Variants in RTN4RL1 observed in about 807,000 individuals in gnomAD.
RTN4RL1 encodes the protein reticulon-4 receptor-like 1.
A neutral mutation model predicts 25.6 loss-of-function variants in RTN4RL1; 7 were observed. The observed-to-expected ratio is 0.27, with a 90% CI of 0.16 to 0.51. RTN4RL1 has a LOEUF of 0.51. Among genes scored for constraint, RTN4RL1 ranks in the 20% least tolerant of loss-of-function variants. The pLI, the probability that RTN4RL1 is intolerant of heterozygous loss-of-function variation, is 0.97. For synonymous variants in RTN4RL1, 297 were observed against 288.2 expected (o/e 1.03, Z -0.31); for missense variants, 500 against 615.6 (o/e 0.81, Z 1.99).
At chr17:2,017,106 T>C (rs1295380508) in intron 1 of RTN4RL1, among the ~76,000 whole-genome samples, 1 of 152,164 alleles carries the variant, frequency 6.6e-6, no homozygotes, top group East Asian at 1.9e-4. Context: ...CCCCAGGGCC[T>C]CATGAATCTC....
chr17:1,982,613 C>CAAAAGAAAAGAAAAG (rs71150842), intron 1 of RTN4RL1, among the ~76,000 whole-genome samples: 2,180 of 149,082 alleles, frequency 0.015, 32 homozygotes, highest in Non-Finnish European at 0.022. Context: ...GACTCCGTCT[C>CAAAAGAAAAGAAAAG]AAAAGAAAAG....
intron 1 of RTN4RL1, among the ~76,000 whole-genome samples, chr17:2,009,277 A>T (rs1407552609): frequency 6.6e-6 from 1 of 152,014 alleles, no homozygotes; most frequent in East Asian, 1.9e-4. Flanking sequence ...CTGGTCAACA[A>T]GGGGAAACCC....
At chr17:1,949,707 C>T (rs957188047) in intron 1 of RTN4RL1, among the ~76,000 whole-genome samples, 2 of 152,198 alleles carry the variant, frequency 1.3e-5, no homozygotes, top group Non-Finnish European at 2.9e-5. Context: ...GGCTCCTTCC[C>T]TCCTGGGGCC....
intron 1 of RTN4RL1, among the ~76,000 whole-genome samples, chr17:1,958,674 C>T (rs1017075034): frequency 5.3e-5 from 8 of 152,206 alleles, no homozygotes; most frequent in Non-Finnish European, 1.0e-4. Context: ...GAAACAGTTC[C>T]GGCAGGATCG....
chr17:1,965,751 C>G (rs1224068918), intron 1 of RTN4RL1, among the ~76,000 whole-genome samples: 1 of 152,202 alleles, frequency 6.6e-6, no homozygotes, highest in Admixed American at 6.5e-5. Context: ...CCCCACTGCC[C>G]TCAGCGCTGA....
intron 1 of RTN4RL1, among the ~76,000 whole-genome samples, chr17:1,950,480 C>G (rs1414138945): frequency 6.6e-6 from 1 of 152,042 alleles, no homozygotes. Context: ...TTGGCTGCAG[C>G]TGGAAGTACA....
Position 1,936,711 on chromosome 17 carries a change from C to G in RTN4RL1, c.1111G>C (p.Gly371Arg). The change falls in exon 2 of 2, where the codon GGG becomes CGG. Residue 371 changes from glycine to arginine, a missense_variant. Transcript: ENST00000331238. ...TCTGGCAGCTCGGGGGCCTGTTTCC[C>G]GGCGCCCGCCTTAGAGATCTGATTG... ...NRNQISKAGA[G>R]KQAPELPDYA... The G allele has an allele frequency of 1.3e-6, 2 of 1,582,662 alleles. No individual in the cohort carries two copies. The highest frequency in any genetic ancestry group is 1.7e-6 in the Non-Finnish European group (2 of 1,167,184).
intron 1 of RTN4RL1, among the ~76,000 whole-genome samples, chr17:2,017,543 C>T (rs8078968): frequency 0.02 from 2,979 of 152,348 alleles, 90 homozygotes; most frequent in African/African-American, 0.069. Context: ...GCCACGGCAC[C>T]GAGCCCTGCC....
chr17:1,955,352 T>A (rs570814719), intron 1 of RTN4RL1, among the ~76,000 whole-genome samples: 93 of 152,076 alleles, frequency 6.1e-4, no homozygotes, highest in African/African-American at 2.1e-3. Flanking sequence ...GTCCAGGGGT[T>A]TGAGATAGCC....
chr17:1,964,771 T>C (rs532397967), intron 1 of RTN4RL1, among the ~76,000 whole-genome samples: 184 of 149,326 alleles, frequency 1.2e-3, no homozygotes, highest in African/African-American at 4.4e-3. Context: ...CGTTACAGTT[T>C]GCATTTCTTT....
chr17:1,949,726 C>T (rs989965145), intron 1 of RTN4RL1, among the ~76,000 whole-genome samples: 1 of 152,190 alleles, frequency 6.6e-6, no homozygotes, highest in Non-Finnish European at 1.5e-5. Context: ...CCTACATTCT[C>T]CTGGGGGTGC....
At chr17:1,951,918 A>G (rs1194054173) in intron 1 of RTN4RL1, among the ~76,000 whole-genome samples, 1 of 152,182 alleles carries the variant, frequency 6.6e-6, no homozygotes, top group East Asian at 1.9e-4. Context: ...GAGTGGGATG[A>G]AGATCGAATG....
chr17:1,983,634 C>G (rs1037882069), intron 1 of RTN4RL1, among the ~76,000 whole-genome samples: 1 of 152,106 alleles, frequency 6.6e-6, no homozygotes, highest in Non-Finnish European at 1.5e-5. Flanking sequence ...AACTCCTGAG[C>G]TCAAGCGATC....
intron 1 of RTN4RL1, among the ~76,000 whole-genome samples, chr17:1,946,413 G>A (rs1470817692): frequency 6.6e-6 from 1 of 152,270 alleles, no homozygotes; most frequent in African/African-American, 2.4e-5. Context: ...TGTGCGTGGT[G>A]TGTGTACCTG....
chr17:2,004,354 C>T lies in RTN4RL1; in HGVS notation c.13+20499G>A, dbSNP rs1445172686. Among the ~76,000 whole-genome samples the T allele has an allele frequency of 3.2e-4, 38 of 117,164 alleles. 1 individual carries two copies. The South Asian group carries it at 0.01, about 32-fold the overall frequency. The allele number at this position is 117,164 out of a possible 152,430, so 76.9% of individuals were successfully genotyped here. A position where few individuals can be genotyped will look rare whatever the true frequency, so the allele number is the denominator to read the frequency against. Reference sequence around the variant, plus strand: ...CTGCACTCCAGCCTGGGCAACAGAGCGAGACTCTGTCTCAAAAAAAAAAAA... The same window carrying T: ...CTGCACTCCAGCCTGGGCAACAGAGTGAGACTCTGTCTCAAAAAAAAAAAA... On this transcript the variant is annotated intron_variant, in intron 1 of 1. Transcript: ENST00000331238.
At chr17:1,984,607 G>A (rs977984159) in intron 1 of RTN4RL1, among the ~76,000 whole-genome samples, 1 of 152,188 alleles carries the variant, frequency 6.6e-6, no homozygotes, top group Non-Finnish European at 1.5e-5. Flanking sequence ...CTCCCAACTT[G>A]AGAATTCTGA....
intron 1 of RTN4RL1, among the ~76,000 whole-genome samples, chr17:1,968,381 C>T (rs932499307): frequency 2.0e-5 from 3 of 152,150 alleles, no homozygotes; most frequent in Non-Finnish European, 4.4e-5. Context: ...TCCCATAGCT[C>T]GGGCCGGCCG....
At chr17:1,983,696 C>G (rs1186847922) in intron 1 of RTN4RL1, among the ~76,000 whole-genome samples, 1 of 152,150 alleles carries the variant, frequency 6.6e-6, no homozygotes, top group Non-Finnish European at 1.5e-5. Flanking sequence ...CACCACCATG[C>G]CTGGCTAACA....
intron 1 of RTN4RL1, among the ~76,000 whole-genome samples, chr17:1,968,094 C>T (rs1242005395): frequency 1.3e-5 from 2 of 152,142 alleles, no homozygotes; most frequent in African/African-American, 4.8e-5. Flanking sequence ...TCTCATTTTA[C>T]CCACAGCCCG....
Sources: gnomAD v4.1 joint callset for allele counts (sites outside exome capture counted in the v4.1 genomes callset) on GRCh38, gnomAD v4.1.1 for gene constraint, MANE v1.5 for transcripts, NCBI Gene and HGNC (gene_info 2026-07-23, HGNC 2026-07-21) for gene names.